LYPLA1: variants seen among roughly 807,000 people sequenced by gnomAD.
LYPLA1 encodes acyl-protein thioesterase 1.
LYPLA1 carries 17 observed loss-of-function variants against 34.0 expected under a neutral mutation model. The ratio of observed to expected loss-of-function variants is 0.50; its 90% CI spans 0.34 to 0.75. LYPLA1 has a LOEUF of 0.75. Among genes scored for constraint, LYPLA1 ranks in the 30% least tolerant of loss-of-function variants. The pLI, the probability that LYPLA1 is intolerant of heterozygous loss-of-function variation, is 0.01. For synonymous variants in LYPLA1, 98 were observed against 100.8 expected (o/e 0.97, Z 0.17); for missense variants, 203 against 288.8 (o/e 0.70, Z 2.15).
At chr8:54,043,546 A>C (rs1805421680), downstream of LYPLA1, among the ~76,000 whole-genome samples, 1 of 150,158 alleles carries the variant, frequency 6.7e-6, no homozygotes, top group Non-Finnish European at 1.5e-5. Flanking sequence ...AGTGCTGGGG[A>C]AACAGGCATG....
intron 1 of LYPLA1, 34 bp from the exon 2 acceptor site, chr8:54,100,973 CTA>C (rs1349170315): frequency 1.3e-6 from 2 of 1,567,158 alleles, no homozygotes; most frequent in Non-Finnish European, 1.8e-6. Flanking sequence ...TAAGCAATGC[CTA>C]AATAAGCCCA....
chr8:54,050,070 A>C (rs1451989665), intron 8 of LYPLA1, among the ~76,000 whole-genome samples: 4 of 152,100 alleles, frequency 2.6e-5, no homozygotes, highest in Admixed American at 2.6e-4. Flanking sequence ...TTTTTCTTAT[A>C]ATGCTTTCTC....
rs1409879966 is a variant in LYPLA1 at position 54,055,042 on chromosome 8, A to C, written c.360+18T>G. The C allele has an allele frequency of 6.8e-7, 1 of 1,474,482 alleles. No individual in the cohort carries two copies. The highest frequency in any genetic ancestry group is 1.1e-5 in the South Asian group (1 of 87,892). 91.3% of individuals were successfully genotyped at this position (1,474,482 alleles called of 1,614,324 possible). Reference sequence around the variant, plus strand: ...AGTATACTGATGGTACTGACATTCCACTCAAATTTTATCTTACCTGAGAAA... The same window carrying C: ...AGTATACTGATGGTACTGACATTCCCCTCAAATTTTATCTTACCTGAGAAA... On this transcript the variant is annotated intron_variant, in intron 6 of 8. Coordinates refer to ENST00000316963, the MANE Select transcript of LYPLA1 (RefSeq NM_006330.4).
intron 2 of LYPLA1, among the ~76,000 whole-genome samples, chr8:54,096,908 T>C (rs986494949): frequency 3.3e-5 from 5 of 151,592 alleles, no homozygotes; most frequent in African/African-American, 1.2e-4. Context: ...CGAGATTCTG[T>C]CTCAAAAAAT....
intron 3 of LYPLA1, among the ~76,000 whole-genome samples, chr8:54,065,478 A>ATAAG (rs1374592535): frequency 1.3e-5 from 2 of 151,280 alleles, no homozygotes; most frequent in Non-Finnish European, 2.9e-5. Context: ...AAATAAATAA[A>ATAAG]TAAATAAATA....
At chr8:54,088,098 G>C (rs1808940588) in intron 2 of LYPLA1, among the ~76,000 whole-genome samples, 1 of 152,222 alleles carries the variant, frequency 6.6e-6, no homozygotes, top group Non-Finnish European at 1.5e-5. Context: ...TTTTAAATAA[G>C]GAAGAGGAAC....
intron 2 of LYPLA1, among the ~76,000 whole-genome samples, chr8:54,074,742 TC>T (rs1339111420): frequency 6.6e-6 from 1 of 152,212 alleles, no homozygotes; most frequent in East Asian, 1.9e-4. Flanking sequence ...GAGTTAATCA[TC>T]GGGGATTGGA....
chr8:54,052,733 A>G lies in LYPLA1; in HGVS notation c.384T>C (p.Thr128=). The G allele has an allele frequency of 6.2e-7, 1 of 1,613,158 alleles. No homozygotes were observed. Among genetic ancestry groups the G allele is most frequent in the Non-Finnish European group, 8.5e-7 (1 of 1,179,164 alleles). Residue 128 remains threonine (T), a synonymous_variant, in exon 7 of 9, where the codon ACT becomes ACC. Coordinates refer to ENST00000316963, the MANE Select transcript of LYPLA1 (RefSeq NM_006330.4). ...CCAGTTTCTGCTGTGTGGTAAGGGC[A>G]GTATATAAAGATAAAGCTCCTCCCT... The part of the protein sequence containing the change: ...FSQGGALSLY[T]ALTTQQKLAG...
intron 2 of LYPLA1, among the ~76,000 whole-genome samples, chr8:54,087,379 T>A (rs1278916754): frequency 6.6e-6 from 1 of 152,154 alleles, no homozygotes; most frequent in Non-Finnish European, 1.5e-5. Flanking sequence ...ATGCCTGTAA[T>A]CCCAGCTACC....
intron 3 of LYPLA1, among the ~76,000 whole-genome samples, chr8:54,064,835 T>C (rs1806930874): frequency 6.6e-6 from 1 of 151,956 alleles, no homozygotes; most frequent in Non-Finnish European, 1.5e-5. Context: ...CAATAGCTGA[T>C]GAGGTAAAAA....
intron 5 of LYPLA1, among the ~76,000 whole-genome samples, chr8:54,056,370 G>A (rs1806205938): frequency 6.6e-6 from 1 of 152,170 alleles, no homozygotes; most frequent in Non-Finnish European, 1.5e-5. Flanking sequence ...AAAATCTCCA[G>A]GACATTGGTC....
intron 2 of LYPLA1, chr8:54,073,233 G>A (rs1481267375): frequency 1.2e-6 from 1 of 844,362 alleles, no homozygotes; most frequent in Admixed American, 1.7e-5. Flanking sequence ...AGGACAGTAA[G>A]GAACTAAACA....
rs746193517 is a variant in LYPLA1 at position 54,055,091 on chromosome 8, GA to G, written c.328del (p.Ser110LeufsTer70). 6.1e-5 allele frequency: 98 copies of G among 1,609,914 alleles called. 1 individual carries two copies. Among genetic ancestry groups the G allele is most frequent in the Non-Finnish European group, 8.1e-5 (95 of 1,176,958 alleles). ...AAACCCTCCCAAAATAATTCTGTTA[GA>G]AGGAATGCCATTCTTCACTTCTTGA... is the stretch of plus-strand genomic sequence containing the variant. ...IDQEVKNGIP[S>X]NRIILGGFSQ... On this transcript the variant is annotated frameshift_variant, in exon 6 of 9. Transcript: ENST00000316963. LOFTEE classifies it high-confidence loss of function.
chr8:54,060,831 T>A lies in LYPLA1; in HGVS notation c.286+1423A>T, dbSNP rs577519453. ...CCTCAGCCTCCTGAGTAACTGGGAT[T>A]ACAGGTGCCCGCCACCACGCCTGGC... On this transcript the variant is annotated intron_variant, in intron 5 of 8. Coordinates refer to ENST00000316963, the MANE Select transcript of LYPLA1 (RefSeq NM_006330.4). Among the ~76,000 whole-genome samples the A allele has an allele frequency of 1.8e-4, 27 of 151,754 alleles. No homozygotes were observed. In the South Asian group the frequency reaches 5.6e-3, roughly 32 times the overall value.
intron 2 of LYPLA1, among the ~76,000 whole-genome samples, chr8:54,095,775 C>G (rs1239332187): frequency 2.0e-5 from 3 of 146,882 alleles, no homozygotes; most frequent in African/African-American, 5.1e-5. Context: ...TTGGTAGACA[C>G]AGGGTCTGGC....
intron 2 of LYPLA1, among the ~76,000 whole-genome samples, chr8:54,075,077 C>T (rs562676452): frequency 6.6e-6 from 1 of 152,184 alleles, no homozygotes; most frequent in South Asian, 2.1e-4. Context: ...GAATCTCTCC[C>T]TAAAACAGCA....
chr8:54,094,931 T>TA (rs1223005035), intron 2 of LYPLA1, among the ~76,000 whole-genome samples: 4 of 152,222 alleles, frequency 2.6e-5, no homozygotes, highest in Non-Finnish European at 5.9e-5. Flanking sequence ...TGTACTGATT[T>TA]AAAATTTTGA....
chr8:54,083,892 C>T (rs891141563), intron 2 of LYPLA1, among the ~76,000 whole-genome samples: 4 of 151,868 alleles, frequency 2.6e-5, no homozygotes, highest in African/African-American at 9.7e-5. Flanking sequence ...AATCCCAGCA[C>T]TTTGGGATGC....
At chr8:54,101,490 T>C in intron 1 of LYPLA1, 1 of 1,118,908 alleles carries the variant, frequency 8.9e-7, no homozygotes, top group African/African-American at 1.6e-5. Context: ...CGCCGTGCCC[T>C]AGGCCGGCCC....
Sources: allele counts gnomAD v4.1 joint callset (sites outside exome capture counted in the v4.1 genomes callset), GRCh38; gene constraint gnomAD v4.1.1; transcripts MANE v1.5; gene names NCBI Gene and HGNC (gene_info 2026-07-23, HGNC 2026-07-21).